Variants in ZBTB20 observed in about 807,000 individuals in gnomAD.
ZBTB20 encodes zinc finger and BTB domain containing 20, also known as zinc finger and BTB domain-containing protein 20.
A neutral mutation model predicts 56.9 loss-of-function variants in ZBTB20; 9 were observed. That is an observed-to-expected ratio of 0.16 (90% CI 0.10 to 0.28). ZBTB20 has a LOEUF of 0.28. ZBTB20 is among the 10% of genes least tolerant of loss of function. The probability of loss-of-function intolerance (pLI) is 1.00; values close to 1 mark genes in which losing one functional copy is unlikely to be tolerated. For missense variants in ZBTB20, 655 were observed against 1,003.0 expected (o/e 0.65, Z 4.69); for synonymous variants, 417 against 420.7 (o/e 0.99, Z 0.11).
At chr3:114,785,431 A>T (rs1005843165) in intron 5 of ZBTB20, among the ~76,000 whole-genome samples, 1 of 152,158 alleles carries the variant, frequency 6.6e-6, no homozygotes, top group East Asian at 1.9e-4. Context: ...CGGTAGCTGA[A>T]ATAAAATTAT....
At chr3:114,907,481 A>C (rs76846593) in intron 3 of ZBTB20, among the ~76,000 whole-genome samples, 4,345 of 151,952 alleles carry the variant, frequency 0.029, 144 homozygotes, top group African/African-American at 0.073. Flanking sequence ...GATGCACCGC[A>C]TAACAAAAGT....
At position 115,011,181 on chromosome 3, in the gene ZBTB20, C is replaced by T. The variant is rs376389039; in HGVS notation, c.-506-36765G>A. Among the ~76,000 whole-genome samples the T allele has an allele frequency of 7.3e-5, 11 of 151,722 alleles. No homozygotes were observed. In the East Asian group the frequency reaches 2.2e-3, roughly 30 times the overall value. On this transcript the variant is annotated intron_variant, in intron 2 of 11. Coordinates refer to ENST00000675478, the MANE Select transcript of ZBTB20 (RefSeq NM_001348800.3). ...CTAAAAAATAGCTTCAAACAGGAAA[C>T]CTGATTATTGGCCTTAAAGAGGAGG...
chr3:114,395,266 GT>G (rs1186743248), intron 7 of ZBTB20, among the ~76,000 whole-genome samples: 1 of 152,136 alleles, frequency 6.6e-6, no homozygotes, highest in Non-Finnish European at 1.5e-5. Context: ...AGAGGTCATT[GT>G]GGGGAATACA....
Position 114,566,050 on chromosome 3 carries a change from C to T in ZBTB20, c.-294-65659G>A, listed in dbSNP as rs150224744. Among the ~76,000 whole-genome samples the T allele has an allele frequency of 4.0e-3, 601 of 151,126 alleles. 5 individuals carry two copies. The highest frequency in any genetic ancestry group is 0.014 in the African/African-American group (576 of 41,042). The stretch of plus-strand genomic sequence containing the variant: ...AGAAACCAATCCCCCTACCGACCCC[C>T]GAAAGAAACACCCTATTTACTTAGG... On this transcript the variant is annotated intron_variant, in intron 6 of 11. Coordinates refer to ENST00000675478, the MANE Select transcript of ZBTB20 (RefSeq NM_001348800.3).
chr3:114,931,027 C>A, intron 3 of ZBTB20: 1 of 174,900 alleles, frequency 5.7e-6, no homozygotes, highest in South Asian at 1.5e-4. Context: ...AGAGTGCTCC[C>A]TTAGGCTCGG....
intron 1 of ZBTB20, among the ~76,000 whole-genome samples, chr3:115,114,568 A>C (rs879887084): frequency 2.0e-5 from 3 of 152,162 alleles, no homozygotes; most frequent in Non-Finnish European, 4.4e-5. Context: ...ATTACATTTG[A>C]AAGATCTTAA....
intron 2 of ZBTB20, among the ~76,000 whole-genome samples, chr3:115,038,907 A>G (rs2081036511): frequency 6.6e-6 from 1 of 151,996 alleles, no homozygotes; most frequent in Non-Finnish European, 1.5e-5. Context: ...AAGTTATGCA[A>G]TTTTTTACCT....
intron 5 of ZBTB20, among the ~76,000 whole-genome samples, chr3:114,748,319 T>TTTCG (rs1256634349): frequency 1.5e-5 from 2 of 130,688 alleles, no homozygotes; most frequent in East Asian, 4.7e-4. Context: ...TCTTTCTTTC[T>TTTCG]TTCTTTCTTT....
intron 11 of ZBTB20, among the ~76,000 whole-genome samples, chr3:114,348,565 T>C (rs1013725789): frequency 2.0e-5 from 3 of 152,216 alleles, no homozygotes; most frequent in Non-Finnish European, 1.5e-5. Flanking sequence ...CTCTGTTTAT[T>C]TGGAAGTGTG....
chr3:114,478,886 T>G (rs1040177547), intron 7 of ZBTB20, among the ~76,000 whole-genome samples: 3 of 152,224 alleles, frequency 2.0e-5, no homozygotes, highest in African/African-American at 7.2e-5. Context: ...CAACATACTT[T>G]AGACCAAGGC....
chr3:114,946,192 C>T (rs1441725519), intron 3 of ZBTB20, among the ~76,000 whole-genome samples: 1 of 145,016 alleles, frequency 6.9e-6, no homozygotes, highest in African/African-American at 2.8e-5. Context: ...AATCCTGCAC[C>T]CAATAGCAAC....
At chr3:114,880,326 T>C (rs1004538027) in intron 4 of ZBTB20, among the ~76,000 whole-genome samples, 4 of 152,200 alleles carry the variant, frequency 2.6e-5, no homozygotes, top group South Asian at 2.1e-4. Context: ...GCCTGCAACA[T>C]CTCTTAGACA....
At chr3:115,143,657 T>C (rs1202480596) in intron 1 of ZBTB20, among the ~76,000 whole-genome samples, 29 of 152,242 alleles carry the variant, frequency 1.9e-4, no homozygotes. Flanking sequence ...AGGAATTTTA[T>C]AGTAACTTTC....
At chr3:114,597,988 C>A (rs916463730) in intron 6 of ZBTB20, among the ~76,000 whole-genome samples, 2 of 152,038 alleles carry the variant, frequency 1.3e-5, no homozygotes, top group African/African-American at 4.8e-5. Flanking sequence ...AGTTTTAACT[C>A]AAATGGAAAT....
intron 1 of ZBTB20, among the ~76,000 whole-genome samples, chr3:115,123,354 AATT>A (rs1170074629): frequency 6.6e-6 from 1 of 152,194 alleles, no homozygotes; most frequent in Non-Finnish European, 1.5e-5. Context: ...CTAATGTATG[AATT>A]ATTACTAAAA....
chr3:114,880,247 G>A (rs1483691813), intron 4 of ZBTB20, among the ~76,000 whole-genome samples: 2 of 152,288 alleles, frequency 1.3e-5, no homozygotes, highest in Non-Finnish European at 1.5e-5. Flanking sequence ...AAGTTAGCAC[G>A]CAGAGTCCGG....
At chr3:114,552,819 T>G (rs1559950954) in intron 6 of ZBTB20, among the ~76,000 whole-genome samples, 1 of 152,200 alleles carries the variant, frequency 6.6e-6, no homozygotes, top group Non-Finnish European at 1.5e-5. Flanking sequence ...TATTTGCTCA[T>G]TCATGACAAA....
At chr3:114,716,376 T>C (rs1341461471) in intron 5 of ZBTB20, among the ~76,000 whole-genome samples, 1 of 152,144 alleles carries the variant, frequency 6.6e-6, no homozygotes, top group Non-Finnish European at 1.5e-5. Context: ...GCGATATTAT[T>C]AATCTTTTAA....
At chr3:114,413,430 A>C (rs1218173891) in intron 7 of ZBTB20, among the ~76,000 whole-genome samples, 1 of 152,184 alleles carries the variant, frequency 6.6e-6, no homozygotes, top group Non-Finnish European at 1.5e-5. Context: ...AAATTCATGG[A>C]TAAGTCCATA....
Sources: allele counts gnomAD v4.1 joint callset (sites outside exome capture counted in the v4.1 genomes callset), GRCh38; gene constraint gnomAD v4.1.1; transcripts MANE v1.5; gene names NCBI Gene and HGNC (gene_info 2026-07-23, HGNC 2026-07-21).